Variants in DCAF6 observed in about 807,000 individuals in gnomAD.
DCAF6 encodes the protein DDB1 and CUL4 associated factor 6, also known as DDB1- and CUL4-associated factor 6.
A neutral mutation model predicts 125.1 loss-of-function variants in DCAF6; 54 were observed. The ratio of observed to expected loss-of-function variants is 0.43; its 90% CI spans 0.35 to 0.54. DCAF6 has a LOEUF of 0.54. DCAF6 is among the 20% of genes least tolerant of loss of function. DCAF6 has a pLI of 0.01. For missense variants in DCAF6, 934 were observed against 1,161.7 expected (o/e 0.80, Z 2.85); for synonymous variants, 371 against 390.4 (o/e 0.95, Z 0.58).
intron 4 of DCAF6, among the ~76,000 whole-genome samples, chr1:167,980,712 G>A (rs1159571762): frequency 1.3e-5 from 2 of 151,690 alleles, no homozygotes; most frequent in East Asian, 1.9e-4. Flanking sequence ...GTTAACATAG[G>A]ATTTCTTTAT....
intron 12 of DCAF6, among the ~76,000 whole-genome samples, chr1:168,025,679 C>T (rs1210636834): frequency 6.6e-6 from 1 of 152,178 alleles, no homozygotes; most frequent in East Asian, 1.9e-4. Context: ...CTGCCCACCA[C>T]CATTTGTCTC....
the DCAF6 span, among the ~76,000 whole-genome samples, chr1:167,920,383 G>C: frequency 6.6e-6 from 1 of 152,170 alleles, no homozygotes; most frequent in African/African-American, 2.4e-5. Flanking sequence ...TATTCTTTCT[G>C]TGACTCCTCC....
chr1:168,059,720 A>G (rs2101927456), intron 17 of DCAF6, among the ~76,000 whole-genome samples: 1 of 152,174 alleles, frequency 6.6e-6, no homozygotes, highest in East Asian at 1.9e-4. Flanking sequence ...ATCATGGCTC[A>G]CTGCAGTTTT....
At chr1:167,925,089 G>A in the DCAF6 span, among the ~76,000 whole-genome samples, 1 of 152,068 alleles carries the variant, frequency 6.6e-6, no homozygotes, top group Admixed American at 6.5e-5. Context: ...TGATGGTAAT[G>A]CTACACATTC....
At chr1:167,963,524 T>TCC (rs201563029) in intron 2 of DCAF6, among the ~76,000 whole-genome samples, 2,748 of 149,668 alleles carry the variant, frequency 0.018, 77 homozygotes, top group African/African-American at 0.064. Flanking sequence ...CACTGCTACC[T>TCC]CCGCCTCCCA....
intron 10 of DCAF6, among the ~76,000 whole-genome samples, chr1:168,013,265 T>C (rs1159469431): frequency 2.0e-5 from 3 of 152,190 alleles, no homozygotes; most frequent in Non-Finnish European, 4.4e-5. Flanking sequence ...AGTGAGTGAG[T>C]ATGATGTTAT....
chr1:168,015,246 T>G (rs922983689), intron 10 of DCAF6, among the ~76,000 whole-genome samples: 1 of 152,230 alleles, frequency 6.6e-6, no homozygotes, highest in African/African-American at 2.4e-5. Flanking sequence ...TAAAAAATTT[T>G]TTAAAATGAC....
rs115270655 is a variant in DCAF6 at position 167,990,673 on chromosome 1, A to T, written c.553-531A>T. ...AAAGAGTTTTAATTGTCACATAAAT[A>T]TGAGTTTCTTGGATTATTACCATCT... On this transcript the variant is annotated intron_variant, in intron 5 of 21. Coordinates refer to ENST00000367840, the MANE Select transcript of DCAF6 (RefSeq NM_001198956.2). Among the ~76,000 whole-genome samples the T allele has an allele frequency of 8.7e-3, 1,326 of 152,276 alleles. 14 individuals are homozygous for T. The highest frequency in any genetic ancestry group is 0.03 in the African/African-American group (1,228 of 41,558).
At chr1:168,052,979 C>T (rs1408405282) in intron 17 of DCAF6, among the ~76,000 whole-genome samples, 1 of 152,172 alleles carries the variant, frequency 6.6e-6, no homozygotes, top group Non-Finnish European at 1.5e-5. Flanking sequence ...GTCTACATTG[C>T]CATACTTGGA....
the DCAF6 span, chr1:167,875,079 A>G: frequency 2.9e-6 from 4 of 1,381,952 alleles, no homozygotes; most frequent in Non-Finnish European, 4.1e-6. Flanking sequence ...ACTTTTCTGC[A>G]TGTTTTGTTT....
chr1:167,958,529 G>A (rs1300158107), intron 2 of DCAF6, among the ~76,000 whole-genome samples: 2 of 151,996 alleles, frequency 1.3e-5, no homozygotes, highest in African/African-American at 4.8e-5. Flanking sequence ...GTGCCACACA[G>A]TCTTGATTAC....
At chr1:168,050,182 A>G (rs1689734220) in intron 16 of DCAF6, among the ~76,000 whole-genome samples, 1 of 151,910 alleles carries the variant, frequency 6.6e-6, no homozygotes, top group Admixed American at 6.6e-5. Flanking sequence ...CTAAAGAGTG[A>G]TTTATCCTAT....
the DCAF6 span, among the ~76,000 whole-genome samples, chr1:167,912,686 T>G: frequency 1.3e-5 from 2 of 152,214 alleles, no homozygotes; most frequent in African/African-American, 4.8e-5. Flanking sequence ...TCCTCTTCCT[T>G]CTTGCCTATT....
chr1:167,914,111 A>G, the DCAF6 span: 1 of 152,204 alleles, frequency 6.6e-6, no homozygotes, highest in Non-Finnish European at 1.5e-5. Flanking sequence ...TCTATAGCTG[A>G]CCCATAAAAT....
At chr1:167,959,450 T>C (rs545573259) in intron 2 of DCAF6, among the ~76,000 whole-genome samples, 17 of 152,322 alleles carry the variant, frequency 1.1e-4, no homozygotes, top group African/African-American at 4.1e-4. Flanking sequence ...CTGTATTGTG[T>C]ATGTTTAGTT....
At chr1:167,967,189 A>G (rs1191757124) in intron 3 of DCAF6, among the ~76,000 whole-genome samples, 1 of 152,168 alleles carries the variant, frequency 6.6e-6, no homozygotes, top group Non-Finnish European at 1.5e-5. Context: ...TCTTTTAGAA[A>G]ATTTACATTT....
At chr1:167,923,369 A>G in the DCAF6 span, among the ~76,000 whole-genome samples, 3 of 151,744 alleles carry the variant, frequency 2.0e-5, no homozygotes, top group Non-Finnish European at 4.4e-5. Flanking sequence ...TCAGCATTAA[A>G]AAGAAAGGAA....
At chr1:167,886,128 T>C in the DCAF6 span, among the ~76,000 whole-genome samples, 2 of 152,082 alleles carry the variant, frequency 1.3e-5, no homozygotes, top group Non-Finnish European at 2.9e-5. Context: ...CTGCTCAAGG[T>C]AATTTATAGA....
the DCAF6 span, among the ~76,000 whole-genome samples, chr1:167,921,113 T>C: frequency 6.6e-6 from 1 of 152,204 alleles, no homozygotes; most frequent in Non-Finnish European, 1.5e-5. Flanking sequence ...TTGGGGTATA[T>C]GTGCAGGTTT....
Sources: allele counts gnomAD v4.1 joint callset (sites outside exome capture counted in the v4.1 genomes callset), GRCh38; gene constraint gnomAD v4.1.1; transcripts MANE v1.5; gene names NCBI Gene and HGNC (gene_info 2026-07-23, HGNC 2026-07-21).